The following DISC1 variants were observed in gnomAD, a reference collection of about 807,000 sequenced individuals.
The protein encoded by DISC1 is disrupted in schizophrenia 1 protein.
A neutral mutation model predicts 84.5 loss-of-function variants in DISC1; 57 were observed. The ratio of observed to expected loss-of-function variants is 0.67; its 90% CI spans 0.55 to 0.84. The LOEUF is 0.84. DISC1 is among the 40% of genes least tolerant of loss of function. DISC1 has a pLI of 0.00. For missense variants in DISC1, 1,000 were observed against 1,057.8 expected (o/e 0.95, Z 0.76); for synonymous variants, 411 against 415.2 (o/e 0.99, Z 0.12).
At chr1:231,757,586 G>A (rs2075268751) in intron 4 of DISC1, among the ~76,000 whole-genome samples, 1 of 151,714 alleles carries the variant, frequency 6.6e-6, no homozygotes, top group Non-Finnish European at 1.5e-5. Flanking sequence ...TTCCTCTGAG[G>A]GCAGATATCG....
At chr1:231,755,432 C>G (rs951680754) in intron 4 of DISC1, among the ~76,000 whole-genome samples, 4 of 152,050 alleles carry the variant, frequency 2.6e-5, no homozygotes, top group African/African-American at 7.2e-5. Flanking sequence ...GTCTCAAATG[C>G]TCTGAGTCTT....
chr1:231,982,791 A>G (rs1663802427), intron 10 of DISC1, among the ~76,000 whole-genome samples: 1 of 152,138 alleles, frequency 6.6e-6, no homozygotes, highest in Admixed American at 6.5e-5. Context: ...TGTGAAGAAC[A>G]AAATGAAAGC....
intron 10 of DISC1, among the ~76,000 whole-genome samples, chr1:231,961,364 C>A (rs1660354730): frequency 6.6e-6 from 1 of 152,128 alleles, no homozygotes; most frequent in African/African-American, 2.4e-5. Flanking sequence ...CAGAGAATTT[C>A]TTTCCTTCTT....
chr1:231,740,560 G>A (rs1209762410), intron 3 of DISC1, among the ~76,000 whole-genome samples: 10 of 152,208 alleles, frequency 6.6e-5, no homozygotes, highest in Non-Finnish European at 1.2e-4. Context: ...TTGTTCTGCA[G>A]CGCACATGGA....
chr1:231,757,028 C>T (rs910305844), intron 4 of DISC1, among the ~76,000 whole-genome samples: 6 of 152,100 alleles, frequency 3.9e-5, no homozygotes, highest in Non-Finnish European at 8.8e-5. Flanking sequence ...GGACAGAAAC[C>T]GCTCTCACAG....
At chr1:231,955,923 T>C (rs1003611000) in intron 9 of DISC1, among the ~76,000 whole-genome samples, 2 of 152,196 alleles carry the variant, frequency 1.3e-5, no homozygotes, top group Non-Finnish European at 2.9e-5. Flanking sequence ...TATTGGGACA[T>C]AGAATATGAT....
At chr1:231,961,722 A>G (rs1163297596) in intron 10 of DISC1, among the ~76,000 whole-genome samples, 1 of 152,312 alleles carries the variant, frequency 6.6e-6, no homozygotes, top group South Asian at 2.1e-4. Context: ...TATTCTTTAT[A>G]TGACTGCATA....
intron 9 of DISC1, among the ~76,000 whole-genome samples, chr1:231,876,901 A>G (rs1402258113): frequency 6.6e-6 from 1 of 152,162 alleles, no homozygotes; most frequent in Non-Finnish European, 1.5e-5. Flanking sequence ...GCAAAGGCTT[A>G]GGGTAATGGG....
chr1:231,755,966 T>G (rs957421772), intron 4 of DISC1, among the ~76,000 whole-genome samples: 2 of 152,244 alleles, frequency 1.3e-5, no homozygotes, highest in African/African-American at 4.8e-5. Flanking sequence ...GATAGAAGTA[T>G]TATGTTATGC....
chr1:231,920,476 T>C (rs1400090863), intron 9 of DISC1, among the ~76,000 whole-genome samples: 1 of 152,224 alleles, frequency 6.6e-6, no homozygotes, highest in East Asian at 1.9e-4. Context: ...GCTCTATGCA[T>C]TTGACTCTTC....
intron 3 of DISC1, among the ~76,000 whole-genome samples, chr1:231,744,400 T>C (rs1455192451): frequency 1.3e-5 from 2 of 152,214 alleles, no homozygotes; most frequent in Non-Finnish European, 2.9e-5. Flanking sequence ...AGAAATAGTT[T>C]TATGTGAAAC....
At chr1:231,875,928 T>G (rs1161342267) in intron 9 of DISC1, among the ~76,000 whole-genome samples, 4 of 152,190 alleles carry the variant, frequency 2.6e-5, no homozygotes. Flanking sequence ...CGTTGGCTAA[T>G]GGGGCCATGG....
chr1:231,879,296 T>C (rs1169874269), intron 9 of DISC1, among the ~76,000 whole-genome samples: 1 of 152,064 alleles, frequency 6.6e-6, no homozygotes, highest in Non-Finnish European at 1.5e-5. Context: ...TTGATTCTAT[T>C]TCACCTGATC....
At chr1:231,871,039 G>C (rs1049098193) in intron 9 of DISC1, among the ~76,000 whole-genome samples, 3 of 152,010 alleles carry the variant, frequency 2.0e-5, no homozygotes, top group African/African-American at 7.2e-5. Flanking sequence ...GATGTGGTGG[G>C]GGCTGGACCT....
intron 1 of DISC1, among the ~76,000 whole-genome samples, chr1:231,654,688 C>T (rs1319908108): frequency 1.3e-5 from 2 of 152,114 alleles, no homozygotes; most frequent in African/African-American, 4.8e-5. Flanking sequence ...TTAGATTACA[C>T]CTGTAACTGA....
intron 8 of DISC1, among the ~76,000 whole-genome samples, chr1:231,806,617 T>G (rs2079735143): frequency 6.6e-6 from 1 of 152,196 alleles, no homozygotes; most frequent in African/African-American, 2.4e-5. Flanking sequence ...GTAGGAGGTT[T>G]GCCCTGGGAC....
intron 8 of DISC1, among the ~76,000 whole-genome samples, chr1:231,814,065 G>A (rs897678185): frequency 1.3e-5 from 2 of 152,136 alleles, no homozygotes; most frequent in East Asian, 1.9e-4. Flanking sequence ...GATGTTATGT[G>A]CTAGGTTTCA....
chr1:231,981,938 T>C (rs1663663186), intron 10 of DISC1, among the ~76,000 whole-genome samples: 2 of 152,104 alleles, frequency 1.3e-5, no homozygotes, highest in Non-Finnish European at 2.9e-5. Flanking sequence ...GCAGTTGGTA[T>C]GTAGAGAAGT....
intron 9 of DISC1, among the ~76,000 whole-genome samples, chr1:231,938,455 CAAG>C: frequency 6.6e-6 from 1 of 152,250 alleles, no homozygotes. Flanking sequence ...TGACAGCACA[CAAG>C]AAGAGGAGGA....
Sources: allele counts gnomAD v4.1 joint callset (sites outside exome capture counted in the v4.1 genomes callset), GRCh38; gene constraint gnomAD v4.1.1; transcripts MANE v1.5; gene names NCBI Gene and HGNC (gene_info 2026-07-23, HGNC 2026-07-21).